Variants in ZIM2 observed in about 807,000 individuals in gnomAD.
ZIM2 encodes the protein zinc finger imprinted 2.
ZIM2 carries 14 observed loss-of-function variants against 38.6 expected under a neutral mutation model. The observed-to-expected ratio is 0.36, with a 90% CI of 0.24 to 0.57. The LOEUF (loss-of-function observed/expected upper bound fraction) is 0.57. ZIM2 is among the 20% of genes least tolerant of loss of function. ZIM2 has a pLI of 0.81. For synonymous variants in ZIM2, 247 were observed against 245.8 expected (o/e 1.00, Z -0.04); for missense variants, 680 against 695.1 (o/e 0.98, Z 0.24).
Position 56,818,780 on chromosome 19 carries a change from G to A in ZIM2, c.295-78C>T, listed in dbSNP as rs1451291799. 4 of 1,506,936 alleles carry A rather than the reference G, an allele frequency of 2.7e-6. No homozygotes were observed. In the African/African-American group the frequency reaches 4.1e-5, roughly 16 times the overall value. 93.3% of individuals were successfully genotyped at this position (1,506,936 alleles called of 1,614,324 possible). On this transcript the variant is annotated intron_variant, in intron 7 of 12. Transcript: ENST00000629319. ...AAGACAGAATAATGTTGGCAACATG[G>A]GAGTTACATATATGAAGTTATATAG... is the stretch of plus-strand genomic sequence containing the variant.
rs1331000857 is a variant in ZIM2, at chr19:56,814,686, T to C, written c.490+3060A>G. The C allele has an allele frequency of 6.2e-7, 1 of 1,613,958 alleles. No homozygotes were observed. The highest frequency in any genetic ancestry group is 1.7e-5 in the Admixed American group (1 of 60,002). ...CCTCAGCCATCTGGCTCTGCTCCAG[T>C]AAATCATCTTCCCTATGAAGTCTCA... On this transcript the variant is annotated intron_variant, in intron 9 of 12. Transcript: ENST00000629319. This position sits in a 1 kb window ranked among gnomAD's most constrained non-coding sequence, Gnocchi z 5.8.
At chr19:56,779,112 T>C (rs11084467) in intron 12 of ZIM2, among the ~76,000 whole-genome samples, 34,482 of 151,762 alleles carry the variant, frequency 0.23, 4,925 homozygotes, top group Non-Finnish European at 0.32. Flanking sequence ...GAGAGATGTA[T>C]GATGTTTAGC....
intron 9 of ZIM2, chr19:56,817,285 C>G: frequency 6.2e-7 from 1 of 1,614,168 alleles, no homozygotes; most frequent in Non-Finnish European, 8.5e-7. Context: ...TTCAAGAACT[C>G]TCTTTCTGGA....
chr19:56,792,024 G>GGTT (rs1555789129), intron 9 of ZIM2, among the ~76,000 whole-genome samples: 1 of 134,622 alleles, frequency 7.4e-6, no homozygotes. Flanking sequence ...AATCCCAGGA[G>GGTT]TTTTTTTTTT....
intron 9 of ZIM2, chr19:56,813,939 T>TTC: frequency 6.2e-7 from 1 of 1,614,192 alleles, no homozygotes; most frequent in Non-Finnish European, 8.5e-7. Flanking sequence ...AGTATGGTTC[T>TTC]TCTACCTGAA....
chr19:56,788,476 C>T (rs889533851), intron 10 of ZIM2, among the ~76,000 whole-genome samples: 3 of 152,102 alleles, frequency 2.0e-5, no homozygotes, highest in African/African-American at 7.2e-5. Flanking sequence ...TATTGACCTC[C>T]ACTCTCTTCT....
chr19:56,794,827 C>T (rs961622678), intron 9 of ZIM2, among the ~76,000 whole-genome samples: 1 of 152,158 alleles, frequency 6.6e-6, no homozygotes, highest in Non-Finnish European at 1.5e-5. Flanking sequence ...TTTCATTTTG[C>T]CCTAGGCCCT....
chr19:56,836,027 G>A lies in ZIM2; in HGVS notation c.-236C>T. 3.9e-6 allele frequency: 2 copies of A among 511,894 alleles called. No homozygotes were observed. The highest frequency in any genetic ancestry group is 2.9e-5 in the South Asian group (2 of 69,514). The allele number at this position is 511,894 out of a possible 1,614,324, so 31.7% of individuals were successfully genotyped here. A position where few individuals can be genotyped will look rare whatever the true frequency, so the allele number is the denominator to read the frequency against. Reference sequence around the variant, plus strand: ...AGGAAATTCAACTCACCTGGACCCAGCCACCTAGCGTTTGGACCTAGTCCC... The same window carrying A: ...AGGAAATTCAACTCACCTGGACCCAACCACCTAGCGTTTGGACCTAGTCCC... On this transcript the variant is annotated 5_prime_UTR_variant, in exon 2 of 13. Coordinates refer to ENST00000629319, the MANE Select transcript of ZIM2 (RefSeq NM_001387356.1).
rs568195634 is a variant in ZIM2, at chr19:56,823,520, C to G, written c.106+70G>C. ...GGGTCATCTTCATGGAGGCCCCAAC[C>G]CACTGTGTCTCCATCTGGAAGCATC... On this transcript the variant is annotated intron_variant, in intron 5 of 12. Transcript: ENST00000629319. The G allele has an allele frequency of 1.9e-5, 30 of 1,586,944 alleles. No homozygotes were observed. The East Asian group carries it at 6.0e-4, about 32-fold the overall frequency.
intron 9 of ZIM2, chr19:56,815,327 A>G (rs1175560452): frequency 6.2e-7 from 1 of 1,614,216 alleles, no homozygotes; most frequent in Non-Finnish European, 8.5e-7. Context: ...GTAGCAAAAA[A>G]TTGTCTGAAG....
At chr19:56,827,796 T>C (rs1310077389) in intron 2 of ZIM2, among the ~76,000 whole-genome samples, 2 of 152,132 alleles carry the variant, frequency 1.3e-5, no homozygotes, top group Admixed American at 6.5e-5. Context: ...ATCTCCAAGA[T>C]AGTTAAGTGC....
At chr19:56,835,368 G>A (rs906778119) in intron 2 of ZIM2, among the ~76,000 whole-genome samples, 61 of 152,200 alleles carry the variant, frequency 4.0e-4, no homozygotes, top group African/African-American at 1.4e-3. Context: ...GCCACTCAAC[G>A]ATTCCCTTGC....
chr19:56,802,945 T>C (rs146725706), intron 9 of ZIM2, among the ~76,000 whole-genome samples: 38 of 152,304 alleles, frequency 2.5e-4, no homozygotes, highest in Non-Finnish European at 4.3e-4. Context: ...AGGGGAAGAA[T>C]TGCCCTAGGA....
chr19:56,827,111 C>T (rs1340554752), intron 2 of ZIM2, among the ~76,000 whole-genome samples: 1 of 152,162 alleles, frequency 6.6e-6, no homozygotes, highest in Non-Finnish European at 1.5e-5. Flanking sequence ...CCCAAGTAAA[C>T]TTTCTGTGAA....
At chr19:56,822,512 T>C (rs2060598091) in intron 6 of ZIM2, 1 of 416,504 alleles carries the variant, frequency 2.4e-6, no homozygotes, top group African/African-American at 2.0e-5. Context: ...TTTTTTTTAA[T>C]GCACCAGCTT....
chr19:56,837,281 G>A (rs2146675850), intron 1 of ZIM2, among the ~76,000 whole-genome samples: 1 of 152,118 alleles, frequency 6.6e-6, no homozygotes, highest in Admixed American at 6.5e-5. Context: ...GCCCAGGGCA[G>A]CCTCCTAGTT....
At chr19:56,795,924 A>G (rs1228575778) in intron 9 of ZIM2, among the ~76,000 whole-genome samples, 1 of 152,220 alleles carries the variant, frequency 6.6e-6, no homozygotes, top group Non-Finnish European at 1.5e-5. Flanking sequence ...TTAGAACTTG[A>G]GGATAAGTGG....
chr19:56,822,593 G>A (rs2146322846), intron 6 of ZIM2, 160 bp downstream of exon 6: 1 of 911,502 alleles, frequency 1.1e-6, no homozygotes, highest in East Asian at 2.7e-5. Context: ...GGTACCGAGT[G>A]GAACTTCAAA....
intron 9 of ZIM2, among the ~76,000 whole-genome samples, chr19:56,803,155 G>A (rs1367905242): frequency 2.6e-5 from 4 of 152,206 alleles, no homozygotes; most frequent in Non-Finnish European, 5.9e-5. Flanking sequence ...CAGAAGGGCT[G>A]TCCCCAGGCA....
Sources: allele counts gnomAD v4.1 joint callset (sites outside exome capture counted in the v4.1 genomes callset), GRCh38; gene constraint gnomAD v4.1.1; non-coding constraint Gnocchi (gnomAD v3.1); transcripts MANE v1.5; gene names NCBI Gene and HGNC (gene_info 2026-07-23, HGNC 2026-07-21).